MFSD1: variants seen among roughly 807,000 people sequenced by gnomAD.
MFSD1 encodes the protein lysosomal dipeptide transporter MFSD1.
A neutral mutation model predicts 67.1 loss-of-function variants in MFSD1; 59 were observed. That is an observed-to-expected ratio of 0.88 (90% CI 0.71 to 1.09). The LOEUF is 1.09. MFSD1 is among the 50% of genes least tolerant of loss of function. The probability of loss-of-function intolerance (pLI) is 0.00; values close to 1 mark genes in which losing one functional copy is unlikely to be tolerated. For missense variants in MFSD1, 552 were observed against 566.1 expected (o/e 0.97, Z 0.25); for synonymous variants, 213 against 200.3 (o/e 1.06, Z -0.54).
At chr3:158,827,431 T>A (rs567725673) in intron 15 of MFSD1, 94 bp downstream of exon 15, 1 of 700,358 alleles carries the variant, frequency 1.4e-6, no homozygotes, top group Non-Finnish European at 2.3e-6. Flanking sequence ...TTTTTTTTTT[T>A]TTTTTTGATT....
chr3:158,802,449 T>C lies in MFSD1; in HGVS notation c.163+134T>C, dbSNP rs186489260. On this transcript the variant is annotated intron_variant, in intron 1 of 15. Coordinates refer to ENST00000415822, the MANE Select transcript of MFSD1 (RefSeq NM_022736.4). ...TGTCTTAAGCTCCTGGGCCTCCTTATTTTCCCCTTTGCGATCGATTCCAGC... is the reference window on the plus strand; with the variant it reads ...TGTCTTAAGCTCCTGGGCCTCCTTACTTTCCCCTTTGCGATCGATTCCAGC... 7.2e-4 allele frequency: 746 copies of C among 1,030,758 alleles called. 2 individuals carry two copies. The African/African-American group carries it at 0.011, about 15-fold the overall frequency. The allele number at this position is 1,030,758 out of a possible 1,614,324, so 63.9% of individuals were successfully genotyped here.
At chr3:158,811,258 C>T (rs916310091) in intron 6 of MFSD1, among the ~76,000 whole-genome samples, 2 of 152,162 alleles carry the variant, frequency 1.3e-5, no homozygotes, top group Non-Finnish European at 2.9e-5. Context: ...TGATACTCTG[C>T]CCACCATCCC....
At chr3:158,808,203 A>T (rs1729822428) in intron 5 of MFSD1, among the ~76,000 whole-genome samples, 1 of 152,246 alleles carries the variant, frequency 6.6e-6, no homozygotes, top group Admixed American at 6.5e-5. Flanking sequence ...AGGCCTTGAC[A>T]GAAGTACAGG....
intron 11 of MFSD1, chr3:158,822,708 A>T (rs1197459949): frequency 6.5e-6 from 1 of 153,694 alleles, no homozygotes; most frequent in African/African-American, 2.4e-5. Flanking sequence ...CAACAGATAC[A>T]GTACAGACTC....
chr3:158,812,276 C>T (rs74951656), intron 6 of MFSD1, among the ~76,000 whole-genome samples: 2,717 of 152,150 alleles, frequency 0.018, 65 homozygotes, highest in African/African-American at 0.061. Flanking sequence ...ACAAGAGAAG[C>T]GCAAAAAAGA....
chr3:158,817,486 A>G (rs1339911714), intron 7 of MFSD1, among the ~76,000 whole-genome samples: 1 of 152,140 alleles, frequency 6.6e-6, no homozygotes, highest in African/African-American at 2.4e-5. Context: ...TCATGAGTGA[A>G]CTCCCATTCA....
intron 15 of MFSD1, among the ~76,000 whole-genome samples, chr3:158,827,726 ACTT>A (rs1406312170): frequency 6.6e-6 from 1 of 151,930 alleles, no homozygotes; most frequent in Non-Finnish European, 1.5e-5. Flanking sequence ...TGGGCTTTGA[ACTT>A]CTAAGAGATT....
chr3:158,805,933 C>T (rs149427277), intron 3 of MFSD1, among the ~76,000 whole-genome samples: 146 of 152,236 alleles, frequency 9.6e-4, no homozygotes, highest in Non-Finnish European at 1.7e-3. Context: ...CCTCCAGCCC[C>T]GGTGAGATTT....
At chr3:158,808,965 A>G (rs1268878035) in intron 5 of MFSD1, 1 of 429,086 alleles carries the variant, frequency 2.3e-6, no homozygotes, top group Non-Finnish European at 4.2e-6. Context: ...AGGTGATGTC[A>G]CCTTTTATAA....
rs1192588576 is a variant in MFSD1 at position 158,821,903 on chromosome 3, C to T, written c.921-81C>T. The T allele has an allele frequency of 2.8e-6, 4 of 1,430,538 alleles. No individual in the cohort carries two copies. In the African/African-American group the frequency reaches 4.2e-5, roughly 15 times the overall value. 88.6% of individuals were successfully genotyped at this position (1,430,538 alleles called of 1,614,324 possible). On this transcript the variant is annotated intron_variant, in intron 10 of 15. Transcript: ENST00000415822. ...GTTAAATGAGTTAGGATTTGCTTTG[C>T]CTGATATTTTCAAGACTTTCTTGAA...
At chr3:158,803,999 A>G (rs1268757699) in intron 1 of MFSD1, among the ~76,000 whole-genome samples, 1 of 152,210 alleles carries the variant, frequency 6.6e-6, no homozygotes, top group Admixed American at 6.5e-5. Context: ...AAATAAATAA[A>G]ATATAGATGC....
chr3:158,825,948 T>C (rs1730943413), intron 13 of MFSD1, 67 bp from the exon 14 acceptor site: 3 of 1,238,454 alleles, frequency 2.4e-6, no homozygotes, highest in East Asian at 4.6e-5. Context: ...GCTTTGTGAT[T>C]ATGATTACAT....
chr3:158,824,913 C>T (rs1013111507), intron 13 of MFSD1, among the ~76,000 whole-genome samples: 70 of 152,132 alleles, frequency 4.6e-4, no homozygotes, highest in Admixed American at 1.2e-3. Context: ...TTATGAGTTG[C>T]CTTGAGTGCA....
chr3:158,814,974 C>T (rs1054315933), intron 7 of MFSD1, among the ~76,000 whole-genome samples: 16 of 152,110 alleles, frequency 1.1e-4, no homozygotes, highest in East Asian at 7.8e-4. Flanking sequence ...CCCAGCTACC[C>T]GGGAGGCTGA....
chr3:158,809,232 T>C lies in MFSD1; in HGVS notation c.494T>C (p.Phe165Ser). The C allele has an allele frequency of 6.2e-7, 1 of 1,611,518 alleles. No individual in the cohort carries two copies. ...VAQNTYAVSW[F>S]KGKELNLVFG... The stretch of plus-strand genomic sequence containing the variant: ...CAGAATACATATGCTGTGAGCTGGT[T>C]TAAAGGCAAAGAATTAAACCTGGTG... Residue 165 changes from phenylalanine (F) to serine (S), a missense_variant, in exon 6 of 16, where the codon TTT (phenylalanine) becomes TCT (serine). Physicochemically the swap from Phe to Ser is radical, Grantham distance 155. Coordinates refer to ENST00000415822, the MANE Select transcript of MFSD1 (RefSeq NM_022736.4).
chr3:158,813,896 CT>C (rs34889122), intron 6 of MFSD1, 68 bp from the exon 7 acceptor site: 31 of 1,133,474 alleles, frequency 2.7e-5, no homozygotes, highest in Middle Eastern at 2.6e-4. Context: ...CCTCAAATCC[CT>C]TTTTTTGAAC....
intron 7 of MFSD1, among the ~76,000 whole-genome samples, chr3:158,817,541 A>C (rs1436693390): frequency 2.6e-5 from 4 of 152,234 alleles, no homozygotes; most frequent in African/African-American, 9.6e-5. Context: ...CCAACTTACA[A>C]GGGATGTGAA....
intron 15 of MFSD1, 89 bp from the exon 16 acceptor site, chr3:158,828,890 C>T: frequency 7.3e-7 from 1 of 1,377,494 alleles, no homozygotes; most frequent in Non-Finnish European, 1.0e-6. Flanking sequence ...TATTACATGT[C>T]TTGTAATGCT....
At chr3:158,805,909 G>C (rs1191088217) in intron 3 of MFSD1, among the ~76,000 whole-genome samples, 1 of 152,186 alleles carries the variant, frequency 6.6e-6, no homozygotes, top group African/African-American at 2.4e-5. Context: ...TTGGCACATA[G>C]GTAGTATGTG....
Sources: allele counts gnomAD v4.1 joint callset (sites outside exome capture counted in the v4.1 genomes callset), GRCh38; gene constraint gnomAD v4.1.1; transcripts MANE v1.5; gene names NCBI Gene and HGNC (gene_info 2026-07-23, HGNC 2026-07-21).